Variants in TMPRSS15 observed in about 807,000 individuals in gnomAD.
TMPRSS15 encodes the protein transmembrane serine protease 15.
TMPRSS15 carries 128 observed loss-of-function variants against 125.3 expected under a neutral mutation model. That is an observed-to-expected ratio of 1.02 (90% CI 0.89 to 1.18). TMPRSS15 has a LOEUF of 1.18. Among genes scored for constraint, TMPRSS15 ranks in the 50% most tolerant of loss-of-function variants. TMPRSS15 has a pLI of 0.00. For missense variants in TMPRSS15, 1,283 were observed against 1,212.7 expected (o/e 1.06, Z -0.86); for synonymous variants, 446 against 423.2 (o/e 1.05, Z -0.66).
intron 10 of TMPRSS15, among the ~76,000 whole-genome samples, chr21:18,351,022 G>C (rs1337099264): frequency 6.6e-6 from 1 of 151,790 alleles, no homozygotes; most frequent in Non-Finnish European, 1.5e-5. Context: ...ACCATATTTT[G>C]ATATTCTAGG....
intron 6 of TMPRSS15, among the ~76,000 whole-genome samples, chr21:18,370,485 C>T (rs768633478): frequency 6.6e-6 from 1 of 152,120 alleles, no homozygotes; most frequent in Admixed American, 6.5e-5. Context: ...ATCAGCATCA[C>T]CTTTGTTACC....
chr21:18,432,456 G>T (rs1206333942), intron 1 of TMPRSS15, among the ~76,000 whole-genome samples: 1 of 152,140 alleles, frequency 6.6e-6, no homozygotes, highest in Non-Finnish European at 1.5e-5. Flanking sequence ...AGGAAACAGG[G>T]TCATTGCAGA....
intron 18 of TMPRSS15, among the ~76,000 whole-genome samples, chr21:18,309,380 T>G (rs1245813083): frequency 6.6e-6 from 1 of 152,094 alleles, no homozygotes; most frequent in African/African-American, 2.4e-5. Context: ...CTAAAAGCAA[T>G]GGCAACAAAA....
intron 7 of TMPRSS15, among the ~76,000 whole-genome samples, chr21:18,362,451 A>G (rs1320996997): frequency 6.6e-6 from 1 of 152,132 alleles, no homozygotes; most frequent in African/African-American, 2.4e-5. Context: ...GCTTTTCCAA[A>G]ATAGATATTT....
chr21:18,401,366 T>C (rs2076093208), intron 1 of TMPRSS15, among the ~76,000 whole-genome samples: 1 of 152,140 alleles, frequency 6.6e-6, no homozygotes, highest in Non-Finnish European at 1.5e-5. Context: ...AAAGAAAATG[T>C]GGTACATATG....
intron 8 of TMPRSS15, among the ~76,000 whole-genome samples, chr21:18,355,773 G>A (rs9983373): frequency 0.99 from 150,015 of 151,904 alleles, 74,096 homozygotes; most frequent in Middle Eastern, 1. Flanking sequence ...AGTGAATTCT[G>A]TCTTTTGCTT....
intron 19 of TMPRSS15, 45 bp from the exon 20 acceptor site, chr21:18,294,697 A>G: frequency 1.3e-6 from 2 of 1,537,542 alleles, no homozygotes; most frequent in African/African-American, 2.7e-5. Flanking sequence ...TGCATTTAAT[A>G]TTTTCAAGTC....
chr21:18,361,916 A>G (rs1018719760), intron 7 of TMPRSS15, among the ~76,000 whole-genome samples: 9 of 152,130 alleles, frequency 5.9e-5, no homozygotes, highest in Admixed American at 4.6e-4. Context: ...ATAAACCTAT[A>G]GACTTCAGCC....
At chr21:18,464,045 C>T (rs2122954316) in intron 1 of TMPRSS15, among the ~76,000 whole-genome samples, 4 of 151,404 alleles carry the variant, frequency 2.6e-5, no homozygotes, top group Non-Finnish European at 4.4e-5. Flanking sequence ...ATGTGGTGGG[C>T]GCCTGTAGTC....
intron 16 of TMPRSS15, among the ~76,000 whole-genome samples, chr21:18,323,483 T>G (rs7282954): frequency 0.65 from 98,442 of 151,788 alleles, 32,087 homozygotes; most frequent in African/African-American, 0.7. Flanking sequence ...CCACCCCCAT[T>G]ACTCAATTAC....
At chr21:18,309,609 G>C (rs2075075026) in intron 18 of TMPRSS15, among the ~76,000 whole-genome samples, 1 of 152,206 alleles carries the variant, frequency 6.6e-6, no homozygotes, top group Non-Finnish European at 1.5e-5. Context: ...CCATCAAAAA[G>C]TGGGTGAAGG....
intron 1 of TMPRSS15, among the ~76,000 whole-genome samples, chr21:18,471,273 C>A (rs1978774654): frequency 6.6e-6 from 1 of 151,996 alleles, no homozygotes; most frequent in African/African-American, 2.4e-5. Flanking sequence ...ATGATTTTTT[C>A]TATCAATAGT....
intron 1 of TMPRSS15, among the ~76,000 whole-genome samples, chr21:18,450,742 T>C (rs143019613): frequency 6.6e-6 from 1 of 152,328 alleles, no homozygotes; most frequent in East Asian, 1.9e-4. Context: ...TGCCCTTGTG[T>C]CAGCTTCAGG....
intron 1 of TMPRSS15, among the ~76,000 whole-genome samples, chr21:18,467,114 A>G (rs1254682627): frequency 6.6e-6 from 1 of 152,192 alleles, no homozygotes; most frequent in East Asian, 1.9e-4. Flanking sequence ...TTGCAGGGAC[A>G]TGGATGAAGC....
chr21:18,448,494 G>A (rs1041799823), intron 1 of TMPRSS15, among the ~76,000 whole-genome samples: 3 of 152,156 alleles, frequency 2.0e-5, no homozygotes, highest in African/African-American at 4.8e-5. Flanking sequence ...TATAATGACC[G>A]AATCTGACAA....
At chr21:18,340,361 T>C (rs151244552) in intron 13 of TMPRSS15, among the ~76,000 whole-genome samples, 143 of 152,312 alleles carry the variant, frequency 9.4e-4, no homozygotes, top group African/African-American at 3.4e-3. Flanking sequence ...GACCTACACC[T>C]GGTTGCCAGA....
chr21:18,416,970 G>A (rs1177597342), intron 1 of TMPRSS15, among the ~76,000 whole-genome samples: 1 of 152,014 alleles, frequency 6.6e-6, no homozygotes, highest in Non-Finnish European at 1.5e-5. Flanking sequence ...CATAAAGATA[G>A]TGGTAAATTA....
chr21:18,270,514 G>T (rs1395360449), intron 24 of TMPRSS15, among the ~76,000 whole-genome samples: 2 of 152,082 alleles, frequency 1.3e-5, no homozygotes, highest in African/African-American at 4.8e-5. Flanking sequence ...AGGACACTAT[G>T]GAAAAGACAA....
chr21:18,297,237 TGTAGACACGATGAAA>T (rs1568990430), intron 19 of TMPRSS15, among the ~76,000 whole-genome samples: 2 of 152,202 alleles, frequency 1.3e-5, no homozygotes, highest in Non-Finnish European at 2.9e-5. Flanking sequence ...AAAGAGAATA[TGTAGACACGATGAAA>T]GGTCTAGACT....
Sources: gnomAD v4.1 joint callset for allele counts (sites outside exome capture counted in the v4.1 genomes callset) on GRCh38, gnomAD v4.1.1 for gene constraint, MANE v1.5 for transcripts, NCBI Gene and HGNC (gene_info 2026-07-23, HGNC 2026-07-21) for gene names.